Variants in DAGLB observed in about 807,000 individuals in gnomAD.
DAGLB encodes the protein diacylglycerol lipase-beta.
DAGLB carries 66 observed loss-of-function variants against 72.1 expected under a neutral mutation model. The observed-to-expected ratio is 0.92, with a 90% CI of 0.75 to 1.12. DAGLB has a LOEUF of 1.12. Among genes scored for constraint, DAGLB ranks in the 50% most tolerant of loss-of-function variants. The pLI is 0.00. For missense variants in DAGLB, 1,065 were observed against 884.9 expected (o/e 1.20, Z -2.58); for synonymous variants, 414 against 359.5 (o/e 1.15, Z -1.71).
chr7:6,421,917 T>C (rs1188147928), intron 8 of DAGLB, 113 bp from the exon 9 acceptor site: 1 of 1,187,420 alleles, frequency 8.4e-7, no homozygotes, highest in Non-Finnish European at 1.2e-6. Flanking sequence ...GATGGCACCA[T>C]CTCCTAGTTC....
Position 6,436,350 on chromosome 7 carries a change from G to C in DAGLB, c.419+12C>G. ...ATCCACTGAAACTCAAAGAGAAGAA[G>C]GGAGATGTCACCTGACCACGACGGT... is the stretch of plus-strand genomic sequence containing the variant. On this transcript the variant is annotated intron_variant, in intron 3 of 14. Transcript: ENST00000297056. The C allele has an allele frequency of 1.3e-6, 2 of 1,597,340 alleles. No individual in the cohort carries two copies. Among genetic ancestry groups the C allele is most frequent in the Non-Finnish European group, 1.7e-6 (2 of 1,173,560 alleles).
chr7:6,429,646 T>C (rs191121145), intron 6 of DAGLB, among the ~76,000 whole-genome samples: 109 of 152,052 alleles, frequency 7.2e-4, no homozygotes, highest in African/African-American at 2.6e-3. Context: ...CTGACGCCTG[T>C]AATCTCAGTA....
chr7:6,428,885 A>G (rs1395755437), intron 6 of DAGLB, among the ~76,000 whole-genome samples: 1 of 152,082 alleles, frequency 6.6e-6, no homozygotes, highest in Non-Finnish European at 1.5e-5. Context: ...GCTCACTGCA[A>G]CCTCAGCCTC....
At position 6,413,635 on chromosome 7, in the gene DAGLB, A is replaced by G. The variant is rs1783807000; in HGVS notation, c.1428-601T>C. Among the ~76,000 whole-genome samples, 3 of 134,138 alleles carry G rather than the reference A, an allele frequency of 2.2e-5. No homozygotes were observed. The South Asian group carries it at 6.7e-4, about 30-fold the overall frequency. 88.0% of individuals were successfully genotyped at this position (134,138 alleles called of 152,430 possible). A position where few individuals can be genotyped will look rare whatever the true frequency, so the allele number is the denominator to read the frequency against. On this transcript the variant is annotated intron_variant, in intron 11 of 14. Transcript: ENST00000297056. ...ACAGAGCGAGACTCCATCTCAAAAG[A>G]AAAAAAAAAAAAAAAGATGCCCCAG...
chr7:6,413,850 A>G (rs1783815277), intron 11 of DAGLB, among the ~76,000 whole-genome samples: 1 of 152,198 alleles, frequency 6.6e-6, no homozygotes. Context: ...ATCTCAGGAC[A>G]TGCGGTGAAA....
intron 2 of DAGLB, among the ~76,000 whole-genome samples, chr7:6,438,506 C>A (rs1287420405): frequency 2.0e-5 from 3 of 151,408 alleles, no homozygotes; most frequent in African/African-American, 7.3e-5. Context: ...AAAAAAAACA[C>A]AGTCCTATAT....
rs557186705 is a variant in DAGLB, at chr7:6,433,371, T to C, written c.679-412A>G. Among the ~76,000 whole-genome samples the C allele has an allele frequency of 1.5e-4, 23 of 152,264 alleles. No individual in the cohort carries two copies. In the East Asian group the frequency reaches 2.5e-3, roughly 17 times the overall value. On this transcript the variant is annotated intron_variant, in intron 4 of 14. Transcript: ENST00000297056. ...GGTTTTGTTGAAACACAGTGGATGG[T>C]AGAGATTTATGAGACTAAACTCATA...
chr7:6,430,440 G>T, intron 6 of DAGLB, 40 bp downstream of exon 6: 2 of 1,412,506 alleles, frequency 1.4e-6, no homozygotes, highest in East Asian at 2.5e-5. Flanking sequence ...TTTTTTTTAA[G>T]GGAAATATGG....
intron 6 of DAGLB, among the ~76,000 whole-genome samples, chr7:6,427,188 C>T (rs80334597): frequency 0.014 from 2,190 of 152,234 alleles, 58 homozygotes; most frequent in African/African-American, 0.051. Context: ...CTGTACTTAG[C>T]AGATGCCCTT....
intron 6 of DAGLB, among the ~76,000 whole-genome samples, chr7:6,427,552 G>T (rs903425788): frequency 2.0e-5 from 3 of 152,110 alleles, no homozygotes; most frequent in African/African-American, 7.2e-5. Flanking sequence ...CAGCTACTTG[G>T]GAGGCTGAGG....
At chr7:6,435,651 C>T (rs964703302) in intron 3 of DAGLB, among the ~76,000 whole-genome samples, 11 of 152,290 alleles carry the variant, frequency 7.2e-5, no homozygotes, top group Admixed American at 3.9e-4. Context: ...CCATGACATA[C>T]GCCCTTCCCC....
rs2115262325 is a variant in DAGLB at position 6,424,390 on chromosome 7, T to C, written c.1140+362A>G. ...CGTGACTCTCTGCAGCAAGACTGAC[T>C]CACTGCCGCCATCTGGCTCTGGTGC... is the stretch of plus-strand genomic sequence containing the variant. On this transcript the variant is annotated intron_variant, in intron 8 of 14. Coordinates refer to ENST00000297056, the MANE Select transcript of DAGLB (RefSeq NM_139179.4). Among the ~76,000 whole-genome samples the C allele has an allele frequency of 1.3e-5, 2 of 152,082 alleles. 1 individual carries two copies. Among genetic ancestry groups the C allele is most frequent in the South Asian group, 4.1e-4 (2 of 4,830 alleles).
chr7:6,412,360 G>A (rs974980388), intron 13 of DAGLB, among the ~76,000 whole-genome samples: 5 of 152,050 alleles, frequency 3.3e-5, no homozygotes, highest in South Asian at 2.1e-4. Context: ...CTAAGCTTTC[G>A]GACAACAAAG....
At chr7:6,447,120 T>A (rs1186446098) in intron 1 of DAGLB, among the ~76,000 whole-genome samples, 3 of 152,216 alleles carry the variant, frequency 2.0e-5, no homozygotes, top group African/African-American at 7.2e-5. Context: ...ATAACAGGCG[T>A]GAGCCATGGC....
intron 2 of DAGLB, among the ~76,000 whole-genome samples, chr7:6,437,739 C>T (rs980906859): frequency 6.6e-5 from 10 of 152,162 alleles, no homozygotes. Flanking sequence ...ACCTCCGCCT[C>T]CCAGGTTCAA....
At chr7:6,422,105 GA>G (rs1784146945) in intron 8 of DAGLB, 4 of 447,572 alleles carry the variant, frequency 8.9e-6, no homozygotes, top group Admixed American at 5.6e-5. Context: ...CCGTGGCACA[GA>G]ACCTGTGCCA....
chr7:6,420,806 A>T (rs973615205), intron 9 of DAGLB, among the ~76,000 whole-genome samples: 13 of 152,116 alleles, frequency 8.5e-5, no homozygotes, highest in Non-Finnish European at 1.5e-5. Context: ...CTTCGGGAGG[A>T]GCTGAGGCAG....
Position 6,434,900 on chromosome 7 carries a change from C to G in DAGLB, c.540G>C (p.Gln180His), listed in dbSNP as rs1349847632. ...PSHLDSHDSSQLLNGLKTAAT... is the reference protein window; with the variant it reads ...PSHLDSHDSSHLLNGLKTAAT... ...CTGCTGTCTTGAGGCCATTAAGTAA[C>G]TGGCTTGAATCATGACTATCCAGGT... The change falls in exon 4 of 15, where the codon CAG becomes CAC. Residue 180 changes from glutamine (Q) to histidine (H), a missense_variant. Physicochemically the swap from Gln to His is conservative, Grantham distance 24 (BLOSUM62 0). Coordinates refer to ENST00000297056, the MANE Select transcript of DAGLB (RefSeq NM_139179.4). 6.2e-7 allele frequency: 1 copy of G among 1,614,204 alleles called. No individual in the cohort carries two copies. Among genetic ancestry groups the G allele is most frequent in the Middle Eastern group, 1.6e-4 (1 of 6,062 alleles).
chr7:6,446,562 T>C (rs1250937544), intron 1 of DAGLB, among the ~76,000 whole-genome samples: 6 of 140,186 alleles, frequency 4.3e-5, no homozygotes, highest in Non-Finnish European at 7.7e-5. Context: ...CACTTTGGAA[T>C]ATAATTTTCT....
Sources: allele counts gnomAD v4.1 joint callset (sites outside exome capture counted in the v4.1 genomes callset), GRCh38; gene constraint gnomAD v4.1.1; transcripts MANE v1.5; gene names NCBI Gene and HGNC (gene_info 2026-07-23, HGNC 2026-07-21).